RALYL: variants seen among roughly 807,000 people sequenced by gnomAD.
RALYL encodes RALY RNA binding protein like, also known as RNA-binding Raly-like protein.
In RALYL, 29 loss-of-function variants were observed where a neutral mutation model predicts 35.1. The ratio of observed to expected loss-of-function variants is 0.83; its 90% confidence interval spans 0.61 to 1.13. The LOEUF is 1.13. RALYL is among the 50% of genes most tolerant of loss of function. The pLI is 0.00. For missense variants in RALYL, 359 were observed against 360.4 expected (o/e 1.00, Z 0.03); for synonymous variants, 120 against 127.6 (o/e 0.94, Z 0.40).
chr8:84,355,292 C>T (rs1183712814), intron 1 of RALYL, among the ~76,000 whole-genome samples: 1 of 150,448 alleles, frequency 6.6e-6, no homozygotes, highest in African/African-American at 2.5e-5. Flanking sequence ...TGCCCCATAT[C>T]GCATAGTTTA....
intron 2 of RALYL, among the ~76,000 whole-genome samples, chr8:84,748,476 A>T (rs1161604919): frequency 6.6e-6 from 1 of 152,028 alleles, no homozygotes; most frequent in Admixed American, 6.6e-5. Context: ...GATCTATTGT[A>T]ATCCTGCCCC....
chr8:84,780,933 A>C (rs369937301), intron 3 of RALYL, among the ~76,000 whole-genome samples: 1 of 152,124 alleles, frequency 6.6e-6, no homozygotes. Flanking sequence ...ATCTCAGCTC[A>C]CTGCAACCTC....
At chr8:84,733,116 A>G (rs1846554169) in intron 2 of RALYL, among the ~76,000 whole-genome samples, 1 of 152,156 alleles carries the variant, frequency 6.6e-6, no homozygotes, top group Non-Finnish European at 1.5e-5. Context: ...GTGGCCCAGC[A>G]TACTATTAAA....
chr8:84,427,769 C>T (rs529119215), intron 1 of RALYL, among the ~76,000 whole-genome samples: 9 of 152,172 alleles, frequency 5.9e-5, no homozygotes, highest in South Asian at 2.1e-4. Context: ...TGTCCTCTAC[C>T]GCTCTAGCTT....
intron 4 of RALYL, among the ~76,000 whole-genome samples, chr8:84,835,942 A>T (rs539627413): frequency 6.6e-6 from 1 of 152,274 alleles, no homozygotes; most frequent in African/African-American, 2.4e-5. Context: ...ATAGTGAAAG[A>T]ATGTCAGAGA....
At chr8:84,817,001 C>T (rs773656189) in intron 4 of RALYL, among the ~76,000 whole-genome samples, 3 of 152,152 alleles carry the variant, frequency 2.0e-5, no homozygotes, top group Admixed American at 2.0e-4. Context: ...ATATTTATCT[C>T]TATTGAAGCA....
At chr8:84,818,483 C>CA (rs1827837152) in intron 4 of RALYL, among the ~76,000 whole-genome samples, 1 of 152,040 alleles carries the variant, frequency 6.6e-6, no homozygotes, top group African/African-American at 2.4e-5. Context: ...TCCTGGGAGA[C>CA]AAAGTTGGAT....
intron 1 of RALYL, among the ~76,000 whole-genome samples, chr8:84,514,841 A>G (rs2057930699): frequency 7.6e-6 from 1 of 131,206 alleles, no homozygotes; most frequent in Admixed American, 7.7e-5. Flanking sequence ...AGGTTTTTGC[A>G]GGTGCTAGTA....
chr8:84,197,991 G>A (rs1243975750), intron 1 of RALYL, among the ~76,000 whole-genome samples: 1 of 152,000 alleles, frequency 6.6e-6, no homozygotes, highest in Non-Finnish European at 1.5e-5. Flanking sequence ...AAACCTTTTT[G>A]AATTAATTAA....
At chr8:84,905,407 T>C (rs76319356) in intron 8 of RALYL, among the ~76,000 whole-genome samples, 6,201 of 152,232 alleles carry the variant, frequency 0.041, 398 homozygotes, top group African/African-American at 0.14. Context: ...CTCTTTGAGA[T>C]CCTAATTTCA....
At chr8:84,466,612 G>A (rs1191242310) in intron 1 of RALYL, among the ~76,000 whole-genome samples, 3 of 149,932 alleles carry the variant, frequency 2.0e-5, no homozygotes, top group Non-Finnish European at 3.0e-5. Flanking sequence ...CTCTTTTTTT[G>A]TTGTGTCTCT....
chr8:84,529,807 C>T (rs1390204935), intron 2 of RALYL, among the ~76,000 whole-genome samples: 2 of 152,030 alleles, frequency 1.3e-5, no homozygotes, highest in Non-Finnish European at 2.9e-5. Flanking sequence ...ATACTTATTA[C>T]CTCCACCCAT....
intron 4 of RALYL, among the ~76,000 whole-genome samples, chr8:84,812,568 T>C (rs2134115647): frequency 6.6e-6 from 1 of 152,252 alleles, no homozygotes; most frequent in East Asian, 1.9e-4. Context: ...GGGCTAGGCA[T>C]GTCCGAGCTC....
At chr8:84,293,313 CT>C (rs1839124674) in intron 1 of RALYL, among the ~76,000 whole-genome samples, 1 of 152,214 alleles carries the variant, frequency 6.6e-6, no homozygotes, top group South Asian at 2.1e-4. Context: ...CCATCGATCC[CT>C]TAGATGTTGG....
chr8:84,190,199 T>C (rs1035551874), intron 1 of RALYL, among the ~76,000 whole-genome samples: 5 of 152,234 alleles, frequency 3.3e-5, no homozygotes, highest in African/African-American at 1.2e-4. Flanking sequence ...TCTGTAAATA[T>C]AGGTGTCTTG....
At chr8:84,702,749 C>T (rs983980403) in intron 2 of RALYL, among the ~76,000 whole-genome samples, 1 of 151,780 alleles carries the variant, frequency 6.6e-6, no homozygotes, top group Admixed American at 6.6e-5. Flanking sequence ...TCTACTGATT[C>T]CTTCCATCAA....
At chr8:84,518,472 C>A (rs2058223956) in intron 1 of RALYL, among the ~76,000 whole-genome samples, 1 of 152,108 alleles carries the variant, frequency 6.6e-6, no homozygotes. Flanking sequence ...TAGATGCTAT[C>A]ATTTATGACA....
chr8:84,357,633 T>C (rs1852111017), intron 1 of RALYL, among the ~76,000 whole-genome samples: 1 of 151,708 alleles, frequency 6.6e-6, no homozygotes, highest in African/African-American at 2.4e-5. Flanking sequence ...ATCTTTAGAA[T>C]TCTAGAAAAG....
intron 1 of RALYL, among the ~76,000 whole-genome samples, chr8:84,409,414 A>T (rs1437803365): frequency 6.6e-6 from 1 of 151,994 alleles, no homozygotes; most frequent in African/African-American, 2.4e-5. Context: ...TTTAATAATC[A>T]CTCCAGAACA....
Sources: gnomAD v4.1 joint callset for allele counts (sites outside exome capture counted in the v4.1 genomes callset) on GRCh38, gnomAD v4.1.1 for gene constraint, MANE v1.5 for transcripts, NCBI Gene and HGNC (gene_info 2026-07-23, HGNC 2026-07-21) for gene names.